The following TERT variants were observed in gnomAD, a reference collection of about 807,000 sequenced individuals.
TERT encodes telomerase catalytic subunit.
TERT carries 42 observed loss-of-function variants against 104.0 expected under a neutral mutation model. That is an observed-to-expected ratio of 0.40 (90% CI 0.32 to 0.52). The LOEUF is 0.52. Ranked by LOEUF, TERT falls within the 20% of genes least tolerant of loss-of-function variation. The pLI is 0.43. For missense variants in TERT, 1,101 were observed against 1,610.3 expected, an observed-to-expected ratio of 0.68 and a Z score of 5.41; for synonymous variants, 781 against 725.6, an observed-to-expected ratio of 1.08 and a Z score of -1.23.
Position 1,280,054 on chromosome 5 carries a change from G to A in TERT, c.1950+104C>T, listed in dbSNP as rs879113423. 4.2e-6 allele frequency: 6 copies of A among 1,437,008 alleles called. No homozygotes were observed. In the South Asian group the frequency reaches 4.6e-5, roughly 11 times the overall value. The allele number at this position is 1,437,008 out of a possible 1,614,324, so 89.0% of individuals were successfully genotyped here. A position where few individuals can be genotyped will look rare whatever the true frequency, so the allele number is the denominator to read the frequency against. On this transcript the variant is annotated intron_variant, in intron 4 of 15. Coordinates refer to ENST00000310581, the MANE Select transcript of TERT (RefSeq NM_198253.3). ...TTGGCGCCGTGCCATGGCCCTGGCT[G>A]TGTCCCGTGGCCCCTCCTCCGGGCC...
chr5:1,264,582 G>A lies in TERT; in HGVS notation c.2665C>T (p.Arg889Ter). ...HAKTFLRTLV[R>*]GVPEYGCVVN... ...ACGCAGCCATACTCAGGGACACCTCGGACCAGGGTCCTAAGGCAGAGGGGC... is the reference window on the plus strand; with the variant it reads ...ACGCAGCCATACTCAGGGACACCTCAGACCAGGGTCCTAAGGCAGAGGGGC... The change falls in exon 11 of 16, where the codon CGA becomes TGA. Residue 889 changes from arginine (R) to a stop codon, truncating the protein, a stop_gained. Coordinates refer to ENST00000310581, the MANE Select transcript of TERT (RefSeq NM_198253.3). LOFTEE classifies it high-confidence loss of function. The A allele has an allele frequency of 1.2e-6, 2 of 1,613,960 alleles. No individual in the cohort carries two copies. The highest frequency in any genetic ancestry group is 1.3e-5 in the African/African-American group (1 of 75,070).
chr5:1,266,549 A>T lies in TERT; in HGVS notation c.2583-14T>A. 1 of 1,599,840 alleles carries T rather than the reference A, an allele frequency of 6.3e-7. No homozygotes were observed. The highest frequency in any genetic ancestry group is 8.5e-7 in the Non-Finnish European group (1 of 1,171,864). On this transcript the variant is annotated splice_polypyrimidine_tract_variant and intron_variant, in intron 9 of 15. Transcript: ENST00000310581. Reference sequence around the variant, plus strand: ...CGCAGGAGCAGCCTAAAATAAGGGAAAATACACAGCAAGGTTAACTTTACA... The same window carrying T: ...CGCAGGAGCAGCCTAAAATAAGGGATAATACACAGCAAGGTTAACTTTACA...
At position 1,282,500 on chromosome 5, in the gene TERT, G is replaced by T; in HGVS notation, c.1698C>A (p.Thr566=). The T allele has an allele frequency of 6.2e-7, 1 of 1,614,188 alleles. No homozygotes were observed. The highest frequency in any genetic ancestry group is 1.1e-5 in the South Asian group (1 of 91,080). ...AAAAGAGCCTGTTCTTTTGAAACGT[G>T]GTCTCCGTGACATAAAAGAAAGACC... ...LLRSFFYVTE[T]TFQKNRLFFY... Residue 566 remains threonine, a synonymous_variant, in exon 3 of 16, where the codon ACC becomes ACA. Transcript: ENST00000310581.
rs1224933352 is a variant in TERT, at chr5:1,293,818, G to A, written c.1068C>T (p.Gly356=). 5 of 1,550,054 alleles carry A rather than the reference G, an allele frequency of 3.2e-6. No individual in the cohort carries two copies. The highest frequency in any genetic ancestry group is 3.5e-6 in the Non-Finnish European group (4 of 1,147,206). Residue 356 remains glycine (G), a synonymous_variant, in exon 2 of 16, where the codon GGC becomes GGT. Coordinates refer to ENST00000310581, the MANE Select transcript of TERT (RefSeq NM_198253.3). The part of the protein sequence containing the change: ...LLSSLRPSLT[G]ARRLVETIFL... Reference sequence around the variant, plus strand: ...AGATGGTCTCCACGAGCCTCCGAGCGCCAGTCAGGCTGGGCCTCAGAGAGC... The same window carrying A: ...AGATGGTCTCCACGAGCCTCCGAGCACCAGTCAGGCTGGGCCTCAGAGAGC...
intron 2 of TERT, chr5:1,283,007 G>GGA (rs1750151661): frequency 2.0e-5 from 7 of 345,806 alleles, no homozygotes; most frequent in African/African-American, 7.2e-5. Context: ...TGCACCATCC[G>GGA]TACACTGCAC....
chr5:1,263,234 CCA>C lies in TERT; in HGVS notation c.2843+1168_2843+1169del. 6.6e-6 allele frequency among the ~76,000 whole-genome samples: 1 copy of C among 152,300 alleles called. No individual in the cohort carries two copies. The highest frequency in any genetic ancestry group is 1.9e-4 in the East Asian group (1 of 5,186). On this transcript the variant is annotated intron_variant, in intron 11 of 15. Transcript: ENST00000310581. This position sits in a 1 kb window ranked among gnomAD's most constrained non-coding sequence, Gnocchi z 5.3. ...ACTGTTAACTCAGAACGACAGGACCCCAGTTTAAACCTCTGGTTTAACAACCA... is the reference window on the plus strand; with the variant it reads ...ACTGTTAACTCAGAACGACAGGACCCGTTTAAACCTCTGGTTTAACAACCA...
intron 10 of TERT, among the ~76,000 whole-genome samples, chr5:1,264,881 C>T (rs1436377644): frequency 6.6e-6 from 1 of 152,190 alleles, no homozygotes; most frequent in Non-Finnish European, 1.5e-5. Context: ...CTGTGATGGT[C>T]CATCTCATGT....
chr5:1,294,294 C>G lies in TERT; in HGVS notation c.592G>C (p.Gly198Arg), dbSNP rs758442518. The change falls in exon 2 of 16, where the codon GGA (glycine) becomes CGA (arginine). Residue 198 changes from glycine (G) to arginine (R), a missense_variant. Gly to Arg is a moderately radical substitution (Grantham distance 125, BLOSUM62 -2). This residue lies in a region of TERT where 504 missense variants were observed against 544.6 expected (regional missense o/e 0.93). Transcript: ENST00000310581. ...CTATGGTTCCAGGCCCGTTCGCATC[C>G]CAGACGCCTTCGGGGTCCACTAGCG... Reference protein sequence around the residue: ...PHASGPRRRLGCERAWNHSVR... With the variant: ...PHASGPRRRLRCERAWNHSVR... 5.0e-6 allele frequency: 8 copies of G among 1,594,334 alleles called. No individual in the cohort carries two copies. The highest frequency in any genetic ancestry group is 5.9e-6 in the Non-Finnish European group (7 of 1,176,626).
rs1403215710 is a variant in TERT, at chr5:1,287,193, T to C, written c.1574-4569A>G. Among the ~76,000 whole-genome samples, 1 of 151,988 alleles carries C rather than the reference T, an allele frequency of 6.6e-6. No homozygotes were observed. The highest frequency in any genetic ancestry group is 2.4e-5 in the African/African-American group (1 of 41,356). Reference sequence around the variant, plus strand: ...CTGTTAACAGGACATACCCACACTATAAGAATATAAAAGTGTTGAAAATTA... The same window carrying C: ...CTGTTAACAGGACATACCCACACTACAAGAATATAAAAGTGTTGAAAATTA... On this transcript the variant is annotated intron_variant, in intron 2 of 15. Coordinates refer to ENST00000310581, the MANE Select transcript of TERT (RefSeq NM_198253.3). This position sits in a 1 kb window ranked among gnomAD's most constrained non-coding sequence, Gnocchi z 4.3.
In TERT at chr5:1,270,347, C is replaced by A. The variant is rs1748931197; in HGVS notation, c.2468+772G>T. On this transcript the variant is annotated intron_variant, in intron 8 of 15. Coordinates refer to ENST00000310581, the MANE Select transcript of TERT (RefSeq NM_198253.3). The surrounding 1 kb of genome is among the most constrained non-coding windows in gnomAD (Gnocchi z 8.3). ...CCCAGAGAGAGGCCTCCACGTTCCA[C>A]CTGACTGCGGATGACCTTGCTGATG... 6.6e-6 allele frequency among the ~76,000 whole-genome samples: 1 copy of A among 152,256 alleles called. No homozygotes were observed. Among genetic ancestry groups the A allele is most frequent in the Non-Finnish European group, 1.5e-5 (1 of 68,040 alleles).
intron 15 of TERT, 104 bp downstream of exon 15, chr5:1,254,264 G>A: frequency 6.5e-7 from 1 of 1,527,426 alleles, no homozygotes; most frequent in Non-Finnish European, 9.0e-7. Flanking sequence ...CAGGCCCGGG[G>A]GCGTCTGCAC....
chr5:1,291,057 CA>C (rs1750893519), intron 2 of TERT, among the ~76,000 whole-genome samples: 1 of 125,114 alleles, frequency 8.0e-6, no homozygotes, highest in South Asian at 2.6e-4. Context: ...CACCCGGGGA[CA>C]GTGCCTCACT....
At chr5:1,284,295 C>T (rs1380001032) in intron 2 of TERT, among the ~76,000 whole-genome samples, 1 of 76,420 alleles carries the variant, frequency 1.3e-5, no homozygotes, top group Non-Finnish European at 2.5e-5. Context: ...ATCCAGACGC[C>T]GCACATCCAG....
rs559604722 is a variant in TERT, at chr5:1,255,278, T to G, written c.3157+9A>C. The stretch of plus-strand genomic sequence containing the variant: ...ACTGCTGCCACTGAGGCCAGGCACC[T>G]GCACATACCTGCGTTCTTGGCTTTC... On this transcript the variant is annotated intron_variant, in intron 14 of 15. Transcript: ENST00000310581. The surrounding 1 kb of genome is among the most constrained non-coding windows in gnomAD (Gnocchi z 6.9). 1 of 1,613,180 alleles carries G rather than the reference T, an allele frequency of 6.2e-7. No homozygotes were observed. The highest frequency in any genetic ancestry group is 2.2e-5 in the East Asian group (1 of 44,872).
chr5:1,276,582 A>C (rs553226888), intron 6 of TERT, among the ~76,000 whole-genome samples: 51 of 149,454 alleles, frequency 3.4e-4, no homozygotes, highest in South Asian at 6.4e-4. Flanking sequence ...CATAAAAACC[A>C]ATCCCACAGA....
chr5:1,274,259 T>C lies in TERT; in HGVS notation c.2287-1979A>G, dbSNP rs1749375779. ...TGGAAGGCAGTAACAGGAAGGTACA[T>C]GGGGCCTGCACCCTTCCCAACCCAG... On this transcript the variant is annotated intron_variant, in intron 6 of 15. Coordinates refer to ENST00000310581, the MANE Select transcript of TERT (RefSeq NM_198253.3). This position sits in a 1 kb window ranked among gnomAD's most constrained non-coding sequence, Gnocchi z 5.3. 6.6e-6 allele frequency among the ~76,000 whole-genome samples: 1 copy of C among 152,164 alleles called. No homozygotes were observed. Among genetic ancestry groups the C allele is most frequent in the African/African-American group, 2.4e-5 (1 of 41,440 alleles).
intron 3 of TERT, among the ~76,000 whole-genome samples, chr5:1,281,414 G>T (rs34989691): frequency 3.4e-3 from 517 of 152,346 alleles, no homozygotes; most frequent in Non-Finnish European, 6.1e-3. Context: ...AGGGACTCGA[G>T]TGTGCAGGGG....
At chr5:1,266,226 C>T (rs926121122) in intron 10 of TERT, among the ~76,000 whole-genome samples, 1 of 152,246 alleles carries the variant, frequency 6.6e-6, no homozygotes, top group Non-Finnish European at 1.5e-5. Flanking sequence ...ACGTGTGTAA[C>T]CTGGGTGCGT....
chr5:1,264,287 G>T, intron 11 of TERT, 117 bp downstream of exon 11: 1 of 1,142,378 alleles, frequency 8.8e-7, no homozygotes, highest in Non-Finnish European at 1.3e-6. Flanking sequence ...TGTGGCCTCT[G>T]ACCCTTTGGG....
Sources: gnomAD v4.1 joint callset for allele counts (sites outside exome capture counted in the v4.1 genomes callset) on GRCh38, gnomAD v4.1.1 for gene constraint, gnomAD v4.1.1 regional missense constraint, Gnocchi (gnomAD v3.1) non-coding constraint, MANE v1.5 for transcripts, NCBI Gene and HGNC (gene_info 2026-07-23, HGNC 2026-07-21) for gene names.